PLEKHH1: variants seen among roughly 807,000 people sequenced by gnomAD.
PLEKHH1 encodes the protein pleckstrin homology domain-containing family H member 1.
A neutral mutation model predicts 160.0 loss-of-function variants in PLEKHH1; 104 were observed. The ratio of observed to expected loss-of-function variants is 0.65; its 90% confidence interval spans 0.55 to 0.76. The LOEUF (loss-of-function observed/expected upper bound fraction) is 0.76, where lower values mean the gene tolerates loss of function less well. Among genes scored for constraint, PLEKHH1 ranks in the 30% least tolerant of loss-of-function variants. The probability of loss-of-function intolerance (pLI) is 0.00; values close to 1 mark genes in which losing one functional copy is unlikely to be tolerated. For missense variants in PLEKHH1, 1,427 were observed against 1,724.1 expected (o/e 0.83, Z 3.05); for synonymous variants, 619 against 678.4 (o/e 0.91, Z 1.36).
At position 67,575,954 on chromosome 14, in the gene PLEKHH1, C is replaced by T. The variant is rs553162873; in HGVS notation, c.2301C>T (p.His767=). 6.2e-6 allele frequency: 10 copies of T among 1,613,934 alleles called. No homozygotes were observed. In the African/African-American group the frequency reaches 1.2e-4, roughly 19 times the overall value. ...LLSSHCTLVI[H]PTEHSPTYLL... ...CCTCCCACTGCACCCTGGTGATCCA[C>T]CCCACAGAGCACAGCCCCACCTACC... The change falls in exon 16 of 29, where the codon CAC becomes CAT. Residue 767 remains histidine, a synonymous_variant. Coordinates refer to ENST00000329153, the MANE Select transcript of PLEKHH1 (RefSeq NM_020715.3).
In PLEKHH1 at chr14:67,576,614, C is replaced by A; in HGVS notation, c.2461+111C>A. 1.7e-6 allele frequency: 1 copy of A among 590,918 alleles called. No individual in the cohort carries two copies. Among genetic ancestry groups the A allele is most frequent in the Non-Finnish European group, 3.0e-6 (1 of 329,042 alleles). 36.6% of individuals were successfully genotyped at this position (590,918 alleles called of 1,614,324 possible). A position where few individuals can be genotyped will look rare whatever the true frequency, so the allele number is the denominator to read the frequency against. On this transcript the variant is annotated intron_variant, in intron 17 of 28. Coordinates refer to ENST00000329153, the MANE Select transcript of PLEKHH1 (RefSeq NM_020715.3). This position sits in a 1 kb window ranked among gnomAD's most constrained non-coding sequence, Gnocchi z 4.0. The stretch of plus-strand genomic sequence containing the variant: ...TACCCTGAAGCTGTTTTTAAAACAT[C>A]TAAGCCACAGAGGGGAAGTTCCCAT...
At chr14:67,542,757 A>G (rs1027035161) in intron 2 of PLEKHH1, among the ~76,000 whole-genome samples, 3 of 151,956 alleles carry the variant, frequency 2.0e-5, no homozygotes, top group Non-Finnish European at 4.4e-5. Context: ...CTGGAGTGCA[A>G]TGGCGCCATC....
intron 2 of PLEKHH1, among the ~76,000 whole-genome samples, chr14:67,542,761 C>T (rs12589298): frequency 0.012 from 1,809 of 152,148 alleles, 37 homozygotes; most frequent in East Asian, 0.062. Context: ...AGTGCAATGG[C>T]GCCATCGCAG....
At chr14:67,555,422 C>T (rs1272316265) in intron 2 of PLEKHH1, among the ~76,000 whole-genome samples, 2 of 152,046 alleles carry the variant, frequency 1.3e-5, no homozygotes, top group Admixed American at 1.3e-4. Flanking sequence ...CAGGGTGGGC[C>T]CTATGGGAGC....
At chr14:67,538,212 C>G (rs756459641) in intron 1 of PLEKHH1, among the ~76,000 whole-genome samples, 9 of 152,102 alleles carry the variant, frequency 5.9e-5, no homozygotes, top group Non-Finnish European at 1.0e-4. Context: ...GTTAGACTAG[C>G]CTGTTAGTAT....
At chr14:67,555,092 A>C (rs1333928192) in intron 2 of PLEKHH1, among the ~76,000 whole-genome samples, 11 of 152,046 alleles carry the variant, frequency 7.2e-5, no homozygotes, top group Non-Finnish European at 5.9e-5. Flanking sequence ...AAAAAAGAAA[A>C]ATTTTAGTAG....
chr14:67,554,862 T>C (rs2034531920), intron 2 of PLEKHH1, among the ~76,000 whole-genome samples: 1 of 152,174 alleles, frequency 6.6e-6, no homozygotes, highest in African/African-American at 2.4e-5. Flanking sequence ...ATTTCCATGC[T>C]CCTCAGCCTT....
chr14:67,561,823 T>C (rs2034847133), intron 5 of PLEKHH1, 131 bp from the exon 6 acceptor site: 3 of 684,258 alleles, frequency 4.4e-6, no homozygotes, highest in Admixed American at 2.6e-5. Context: ...TGAGCCAAAA[T>C]TGCTCCACTG....
At chr14:67,534,115 C>A (rs536736809) in intron 1 of PLEKHH1, among the ~76,000 whole-genome samples, 16 of 152,292 alleles carry the variant, frequency 1.1e-4, no homozygotes, top group Middle Eastern at 6.8e-3. Flanking sequence ...TTAAAAAATT[C>A]AGTGGGAGAA....
chr14:67,586,762 G>A (rs1376362098), intron 28 of PLEKHH1: 2 of 1,314,350 alleles, frequency 1.5e-6, no homozygotes, highest in Admixed American at 5.8e-5. Flanking sequence ...TGCTAAAGGG[G>A]AGGATCTCCA....
intron 7 of PLEKHH1, among the ~76,000 whole-genome samples, chr14:67,565,697 G>A (rs751236405): frequency 2.0e-5 from 3 of 152,218 alleles, no homozygotes; most frequent in Non-Finnish European, 2.9e-5. Context: ...GGACAGCTAA[G>A]CGTTGGCTCC....
chr14:67,541,179 A>C (rs943103031), intron 1 of PLEKHH1, among the ~76,000 whole-genome samples: 1 of 152,236 alleles, frequency 6.6e-6, no homozygotes, highest in African/African-American at 2.4e-5. Context: ...AAAGCATTAT[A>C]TTTTGTTTCC....
intron 2 of PLEKHH1, 48 bp from the exon 3 acceptor site, chr14:67,555,777 C>T (rs1230162109): frequency 1.2e-6 from 2 of 1,605,942 alleles, no homozygotes; most frequent in Non-Finnish European, 1.7e-6. Context: ...GCCGTGTTCA[C>T]AGTAGGGACA....
Position 67,573,370 on chromosome 14 carries a change from T to C in PLEKHH1, c.1823T>C (p.Met608Thr). ...RWFVLRQGQI[M>T]YYKSPSDVIR... ...TTTGTCCTGAGACAGGGACAGATTA[T>C]GTACTACAAGTCCCCGGTGAGAGTC... The change falls in exon 12 of 29, where the codon ATG (methionine) becomes ACG (threonine). Residue 608 changes from methionine (M) to threonine (T), a missense_variant. Around this residue, in one of 6 missense-constraint regions of PLEKHH1, gnomAD observed 831 missense variants for 929.2 expected, o/e 0.89. Coordinates refer to ENST00000329153, the MANE Select transcript of PLEKHH1 (RefSeq NM_020715.3). The surrounding 1 kb of genome is among the most constrained non-coding windows in gnomAD (Gnocchi z 4.8). The C allele has an allele frequency of 6.2e-7, 1 of 1,606,866 alleles. No individual in the cohort carries two copies. Among genetic ancestry groups the C allele is most frequent in the Non-Finnish European group, 8.5e-7 (1 of 1,173,444 alleles).
At chr14:67,586,604 G>C in intron 28 of PLEKHH1, 1 of 437,664 alleles carries the variant, frequency 2.3e-6, no homozygotes, top group Non-Finnish European at 4.1e-6. Flanking sequence ...AATACAGGAA[G>C]TGTTGACCAG....
rs956794580 is a variant in PLEKHH1, at chr14:67,585,825, A to T, written c.3787-126A>T. 2.7e-6 allele frequency: 3 copies of T among 1,109,370 alleles called. No individual in the cohort carries two copies. In the African/African-American group the frequency reaches 4.7e-5, roughly 17 times the overall value. 68.7% of individuals were successfully genotyped at this position (1,109,370 alleles called of 1,614,324 possible). A position where few individuals can be genotyped will look rare whatever the true frequency, so the allele number is the denominator to read the frequency against. ...CACTGCTTGTAGATATTCAAGATGG[A>T]GATCTCCAAATTATGACCACTTGGG... On this transcript the variant is annotated intron_variant, in intron 27 of 28. Transcript: ENST00000329153.
intron 2 of PLEKHH1, among the ~76,000 whole-genome samples, chr14:67,550,271 C>G (rs1314994902): frequency 1.3e-5 from 2 of 152,146 alleles, no homozygotes; most frequent in African/African-American, 4.8e-5. Flanking sequence ...TCACTGCTAC[C>G]TCTGCCCCCG....
chr14:67,574,254 A>G lies in PLEKHH1; in HGVS notation c.1939A>G (p.Lys647Glu), dbSNP rs770676925. ...TCGCCCTCCACAGCTCATCTCTGAG[A>G]AGAAAACCTACTACCTGACGGCCGA... ...GSQTFQLISEKKTYYLTADSP... is the reference protein window; with the variant it reads ...GSQTFQLISEEKTYYLTADSP... Residue 647 changes from lysine (K) to glutamate (E), a missense_variant, in exon 14 of 29, where the codon AAG becomes GAG. Lys to Glu is a moderately conservative substitution (Grantham distance 56). This residue lies in a region of PLEKHH1 where 831 missense variants were observed against 929.2 expected (regional missense o/e 0.89). Transcript: ENST00000329153. This position sits in a 1 kb window ranked among gnomAD's most constrained non-coding sequence, Gnocchi z 4.2. 5 of 1,604,716 alleles carry G rather than the reference A, an allele frequency of 3.1e-6. No homozygotes were observed. Among genetic ancestry groups the G allele is most frequent in the Non-Finnish European group, 4.3e-6 (5 of 1,175,416 alleles).
intron 5 of PLEKHH1, among the ~76,000 whole-genome samples, chr14:67,559,925 C>A (rs185975292): frequency 6.6e-6 from 1 of 152,178 alleles, no homozygotes; most frequent in African/African-American, 2.4e-5. Flanking sequence ...TTTAAGTTTG[C>A]GAGAAGGAAT....
Sources: allele counts gnomAD v4.1 joint callset (sites outside exome capture counted in the v4.1 genomes callset), GRCh38; gene constraint gnomAD v4.1.1; regional missense constraint gnomAD v4.1.1; non-coding constraint Gnocchi (gnomAD v3.1); transcripts MANE v1.5; gene names NCBI Gene and HGNC (gene_info 2026-07-23, HGNC 2026-07-21).